CDK13: variants seen among roughly 807,000 people sequenced by gnomAD.
The protein encoded by CDK13 is cyclin dependent kinase 13.
A neutral mutation model predicts 137.6 loss-of-function variants in CDK13; 40 were observed. That is an observed-to-expected ratio of 0.29 (90% confidence interval 0.23 to 0.38). The LOEUF is 0.38. CDK13 is among the 10% of genes least tolerant of loss of function. CDK13 has a pLI of 1.00. For missense variants in CDK13, 1,704 were observed against 1,951.8 expected (o/e 0.87, Z 2.39); for synonymous variants, 869 against 760.1 (o/e 1.14, Z -2.36).
chr7:39,956,352 C>A (rs1202652747), intron 1 of CDK13, among the ~76,000 whole-genome samples: 1 of 152,202 alleles, frequency 6.6e-6, no homozygotes, highest in Non-Finnish European at 1.5e-5. Flanking sequence ...CCAAACTTCA[C>A]CTGACATTTA....
Position 39,950,770 on chromosome 7 carries a change from C to G in CDK13, c.129C>G (p.Leu43=). Residue 43 remains leucine (L), a synonymous_variant, in exon 1 of 14, where the codon CTC becomes CTG. Coordinates refer to ENST00000181839, the MANE Select transcript of CDK13 (RefSeq NM_003718.5). ...SPQQPPLLLP[L]LQPQLLQPPP... ...AGCAGCCGCCGCTGCTGTTGCCGCT[C>G]CTGCAGCCGCAGCTCCTGCAACCGC... 1.4e-6 allele frequency: 2 copies of G among 1,476,090 alleles called. No individual in the cohort carries two copies. The highest frequency in any genetic ancestry group is 1.8e-6 in the Non-Finnish European group (2 of 1,121,200). 91.4% of individuals were successfully genotyped at this position (1,476,090 alleles called of 1,614,324 possible).
chr7:39,965,235 C>A (rs1489089345), intron 1 of CDK13, among the ~76,000 whole-genome samples: 1 of 152,100 alleles, frequency 6.6e-6, no homozygotes, highest in Non-Finnish European at 1.5e-5. Context: ...GTTAAAGTCT[C>A]CCATTATTTT....
intron 5 of CDK13, among the ~76,000 whole-genome samples, chr7:40,016,682 AG>A (rs1191384729): frequency 2.6e-5 from 4 of 152,288 alleles, no homozygotes; most frequent in Admixed American, 1.3e-4. Flanking sequence ...ACCTCATTAA[AG>A]ATTTACTATA....
chr7:40,035,360 TG>T (rs1785458967), intron 5 of CDK13, among the ~76,000 whole-genome samples: 1 of 151,950 alleles, frequency 6.6e-6, no homozygotes, highest in Non-Finnish European at 1.5e-5. Flanking sequence ...GGTCTGTGGC[TG>T]GTTAGGAACT....
At position 39,950,609 on chromosome 7, in the gene CDK13, A is replaced by AC; in HGVS notation, c.-30dup. ...AGGATCTGACCCGGGAGGAGGCCGC[A>AC]CCCGCGCCGCGCTCTGCGGCTGGCT... On this transcript the variant is annotated 5_prime_UTR_variant, in exon 1 of 14. Transcript: ENST00000181839. The AC allele has an allele frequency of 4.7e-6, 6 of 1,287,098 alleles. No homozygotes were observed. Among genetic ancestry groups the AC allele is most frequent in the Non-Finnish European group, 4.9e-6 (5 of 1,017,954 alleles). The allele number at this position is 1,287,098 out of a possible 1,614,324, so 79.7% of individuals were successfully genotyped here.
At chr7:39,961,682 A>G (rs1385793513) in intron 1 of CDK13, among the ~76,000 whole-genome samples, 5 of 151,922 alleles carry the variant, frequency 3.3e-5, no homozygotes, top group Admixed American at 6.6e-5. Flanking sequence ...CATGTGCACA[A>G]CGTGCAGGTT....
intron 1 of CDK13, among the ~76,000 whole-genome samples, chr7:39,954,768 G>A (rs1428565883): frequency 6.6e-6 from 1 of 152,186 alleles, no homozygotes; most frequent in Non-Finnish European, 1.5e-5. Context: ...ATCGTGGTAT[G>A]AAGATGAAAA....
intron 1 of CDK13, 22 bp from the exon 2 acceptor site, chr7:39,987,577 A>G (rs1414687544): frequency 3.2e-6 from 5 of 1,543,896 alleles, no homozygotes; most frequent in South Asian, 2.6e-5. Flanking sequence ...TTACTGATTA[A>G]ATCTTAATTA....
Position 39,950,548 on chromosome 7 carries a change from C to T in CDK13, c.-94C>T. On this transcript the variant is annotated 5_prime_UTR_variant, in exon 1 of 14. Coordinates refer to ENST00000181839, the MANE Select transcript of CDK13 (RefSeq NM_003718.5). ...GCCGGCTCTGGTGCTCGGTGTCCCT[C>T]CGCCGCCGCTCCCGTTTCCGGCGGG... 4.7e-6 allele frequency: 6 copies of T among 1,274,570 alleles called. No homozygotes were observed. The highest frequency in any genetic ancestry group is 5.9e-6 in the Non-Finnish European group (6 of 1,011,010). The allele number at this position is 1,274,570 out of a possible 1,614,324, so 79.0% of individuals were successfully genotyped here.
intron 9 of CDK13, among the ~76,000 whole-genome samples, chr7:40,065,357 T>C (rs1786257572): frequency 6.6e-6 from 1 of 152,064 alleles, no homozygotes; most frequent in Admixed American, 6.6e-5. Flanking sequence ...AATCAAACTT[T>C]AAGACAGGGT....
At chr7:39,966,526 GT>G (rs1783875241) in intron 1 of CDK13, among the ~76,000 whole-genome samples, 1 of 151,964 alleles carries the variant, frequency 6.6e-6, no homozygotes, top group Non-Finnish European at 1.5e-5. Context: ...TTTTTTCAAG[GT>G]TTTTAACTTC....
chr7:40,033,742 C>T (rs10246466), intron 5 of CDK13, among the ~76,000 whole-genome samples: 81,899 of 151,960 alleles, frequency 0.54, 23,917 homozygotes, highest in African/African-American at 0.77. Context: ...AGTGGTAAGG[C>T]GTAGAGGGAG....
intron 5 of CDK13, among the ~76,000 whole-genome samples, chr7:40,036,365 A>C (rs1207305871): frequency 2.6e-5 from 4 of 152,178 alleles, no homozygotes; most frequent in Non-Finnish European, 5.9e-5. Flanking sequence ...TGAGGTCAGG[A>C]GTTTGAGACC....
At chr7:40,036,539 C>T (rs1334060308) in intron 5 of CDK13, among the ~76,000 whole-genome samples, 1 of 151,914 alleles carries the variant, frequency 6.6e-6, no homozygotes, top group African/African-American at 2.4e-5. Context: ...GCACTGTACT[C>T]CAGTCTGGGT....
chr7:39,989,211 C>T (rs1441604567), intron 2 of CDK13, among the ~76,000 whole-genome samples: 2 of 148,046 alleles, frequency 1.4e-5, no homozygotes, highest in Non-Finnish European at 3.0e-5. Flanking sequence ...GAAACATATT[C>T]TTAAGAGGCA....
At chr7:39,996,531 A>C (rs376029657) in intron 2 of CDK13, among the ~76,000 whole-genome samples, 1 of 152,236 alleles carries the variant, frequency 6.6e-6, no homozygotes, top group Non-Finnish European at 1.5e-5. Context: ...AATCTTAAAA[A>C]AATTAGAAGA....
At chr7:40,030,343 A>G (rs541036771) in intron 5 of CDK13, among the ~76,000 whole-genome samples, 2 of 151,840 alleles carry the variant, frequency 1.3e-5, no homozygotes, top group Non-Finnish European at 2.9e-5. Flanking sequence ...TGAGAGTGAC[A>G]CAAAAATAAA....
intron 1 of CDK13, among the ~76,000 whole-genome samples, chr7:39,956,999 T>C (rs1002805898): frequency 6.6e-6 from 1 of 152,216 alleles, no homozygotes; most frequent in African/African-American, 2.4e-5. Context: ...CTTGCTGTTC[T>C]GTTAGCTTAA....
At chr7:40,019,316 T>G (rs1316052049) in intron 5 of CDK13, among the ~76,000 whole-genome samples, 5 of 152,356 alleles carry the variant, frequency 3.3e-5, no homozygotes, top group Admixed American at 2.6e-4. Context: ...GAAAATTTTC[T>G]GTTAAAATGT....
Sources: allele counts gnomAD v4.1 joint callset (sites outside exome capture counted in the v4.1 genomes callset), GRCh38; gene constraint gnomAD v4.1.1; transcripts MANE v1.5; gene names NCBI Gene and HGNC (gene_info 2026-07-23, HGNC 2026-07-21).